Variants in RBFOX1 observed in about 807,000 individuals in gnomAD.
RBFOX1 encodes the protein RNA binding fox-1 homolog 1.
Under a neutral mutation model 57.7 loss-of-function variants are expected in RBFOX1, and 8 were observed. That is an observed-to-expected ratio of 0.14 (90% CI 0.08 to 0.25). The LOEUF is 0.25. Ranked by LOEUF, RBFOX1 falls within the 10% of genes least tolerant of loss-of-function variation. The pLI, the probability that RBFOX1 is intolerant of heterozygous loss-of-function variation, is 1.00. For missense variants in RBFOX1, 611 were observed against 548.5 expected (o/e 1.11, Z -1.14); for synonymous variants, 326 against 222.4 (o/e 1.47, Z -4.15).
chr16:5,378,518 C>T (rs2066048225), intron 1 of RBFOX1, among the ~76,000 whole-genome samples: 1 of 151,494 alleles, frequency 6.6e-6, no homozygotes, highest in Non-Finnish European at 1.5e-5. Flanking sequence ...TATTTTCGTT[C>T]TGTGAATAGC....
At chr16:5,417,501 T>G (rs1239717432) in intron 1 of RBFOX1, among the ~76,000 whole-genome samples, 2 of 144,462 alleles carry the variant, frequency 1.4e-5, no homozygotes, top group Non-Finnish European at 3.1e-5. Context: ...AAGGTGCCCC[T>G]CACCACCGTG....
At chr16:6,975,486 C>G (rs963152589) in intron 3 of RBFOX1, among the ~76,000 whole-genome samples, 1 of 152,040 alleles carries the variant, frequency 6.6e-6, no homozygotes. Context: ...AAGCTGGTCT[C>G]AAACTCCTGA....
At chr16:7,451,877 A>T (rs900652725) in intron 4 of RBFOX1, among the ~76,000 whole-genome samples, 3 of 152,178 alleles carry the variant, frequency 2.0e-5, no homozygotes, top group Admixed American at 6.6e-5. Flanking sequence ...TCATTTAAGC[A>T]GCAGAAGCTC....
intron 5 of RBFOX1, among the ~76,000 whole-genome samples, chr16:7,523,484 T>C (rs1169803056): frequency 6.6e-6 from 1 of 152,188 alleles, no homozygotes; most frequent in Non-Finnish European, 1.5e-5. Context: ...AAATCTGCCT[T>C]AGATAATTCC....
chr16:7,124,614 C>T (rs531333984), intron 4 of RBFOX1, among the ~76,000 whole-genome samples: 25 of 142,902 alleles, frequency 1.7e-4, no homozygotes, highest in African/African-American at 5.1e-4. Context: ...CTCATAATGT[C>T]TTCACCAATA....
At chr16:6,692,325 C>T (rs2060317917) in intron 3 of RBFOX1, among the ~76,000 whole-genome samples, 1 of 64,366 alleles carries the variant, frequency 1.6e-5, no homozygotes, top group African/African-American at 5.6e-5. Flanking sequence ...ATGTCGTTTT[C>T]ACTAAGTGTT....
chr16:7,116,553 A>G (rs576855339), intron 4 of RBFOX1, among the ~76,000 whole-genome samples: 15 of 152,192 alleles, frequency 9.9e-5, no homozygotes, highest in African/African-American at 3.6e-4. Flanking sequence ...GTATATTTCC[A>G]CTAAATGAGT....
At chr16:5,539,326 C>G (rs936166324) in intron 2 of RBFOX1, among the ~76,000 whole-genome samples, 2 of 151,018 alleles carry the variant, frequency 1.3e-5, no homozygotes, top group African/African-American at 4.9e-5. Context: ...GCTATGATGG[C>G]TCACGCCTGT....
chr16:7,616,372 G>T (rs540533147), intron 10 of RBFOX1, among the ~76,000 whole-genome samples: 1 of 152,190 alleles, frequency 6.6e-6, no homozygotes, highest in Non-Finnish European at 1.5e-5. Flanking sequence ...AAGCTCACCT[G>T]AGCCTTAGTG....
chr16:7,575,301 AT>A (rs1455266643), intron 5 of RBFOX1, among the ~76,000 whole-genome samples: 1 of 151,750 alleles, frequency 6.6e-6, no homozygotes, highest in Non-Finnish European at 1.5e-5. Flanking sequence ...CACCTGGCTA[AT>A]TTTTGCACTT....
At chr16:7,114,542 C>T (rs907403653) in intron 4 of RBFOX1, among the ~76,000 whole-genome samples, 11 of 152,136 alleles carry the variant, frequency 7.2e-5, no homozygotes, top group Admixed American at 1.3e-4. Context: ...AAAGTGACAC[C>T]ATGAGCCTAA....
chr16:5,681,522 G>T (rs1303937110), intron 3 of RBFOX1, among the ~76,000 whole-genome samples: 1 of 151,390 alleles, frequency 6.6e-6, no homozygotes, highest in Non-Finnish European at 1.5e-5. Context: ...TGGAGTAGCT[G>T]GGATTACAGG....
At chr16:6,881,469 G>C (rs756698246) in intron 3 of RBFOX1, among the ~76,000 whole-genome samples, 1 of 152,114 alleles carries the variant, frequency 6.6e-6, no homozygotes, top group African/African-American at 2.4e-5. Context: ...AGGCCTATCC[G>C]TGGCTTGTAG....
chr16:7,242,401 A>G (rs977641464), intron 4 of RBFOX1, among the ~76,000 whole-genome samples: 1 of 152,210 alleles, frequency 6.6e-6, no homozygotes, highest in African/African-American at 2.4e-5. Context: ...TGGGCAAGAA[A>G]CTAGATCTCT....
intron 3 of RBFOX1, among the ~76,000 whole-genome samples, chr16:6,805,099 C>T (rs114982313): frequency 0.016 from 2,450 of 152,220 alleles, 64 homozygotes; most frequent in African/African-American, 0.055. Context: ...CGTGAATGTT[C>T]ACTGCAGCAT....
chr16:6,995,209 T>C (rs776956588), intron 3 of RBFOX1, among the ~76,000 whole-genome samples: 1 of 151,794 alleles, frequency 6.6e-6, no homozygotes, highest in African/African-American at 2.4e-5. Context: ...TTGGATGTAA[T>C]GTGATCAATT....
chr16:6,783,254 G>C (rs528733248), intron 3 of RBFOX1, among the ~76,000 whole-genome samples: 4 of 151,314 alleles, frequency 2.6e-5, no homozygotes, highest in East Asian at 1.9e-4. Context: ...TGATAGGTGA[G>C]GACTTACTAC....
intron 3 of RBFOX1, among the ~76,000 whole-genome samples, chr16:6,763,442 C>T (rs902899626): frequency 2.6e-5 from 4 of 152,186 alleles, no homozygotes; most frequent in East Asian, 1.9e-4. Flanking sequence ...TGGGCCTGTA[C>T]ACCTGTCTTA....
intron 3 of RBFOX1, among the ~76,000 whole-genome samples, chr16:5,624,270 C>T (rs935545864): frequency 6.6e-6 from 1 of 152,224 alleles, no homozygotes; most frequent in African/African-American, 2.4e-5. Context: ...TCTAGGCTCA[C>T]TGCAAGCTCT....
Sources: allele counts gnomAD v4.1 joint callset (sites outside exome capture counted in the v4.1 genomes callset), GRCh38; gene constraint gnomAD v4.1.1; transcripts MANE v1.5; gene names NCBI Gene and HGNC (gene_info 2026-07-23, HGNC 2026-07-21).